The following KIF5C variants were observed in gnomAD, a reference collection of about 807,000 sequenced individuals.
KIF5C encodes kinesin heavy chain isoform 5C.
Under a neutral mutation model 125.2 loss-of-function variants are expected in KIF5C, and 18 were observed. The observed-to-expected ratio is 0.14, with a 90% confidence interval of 0.10 to 0.21. The LOEUF (loss-of-function observed/expected upper bound fraction) is 0.21. Among genes scored for constraint, KIF5C ranks in the 10% least tolerant of loss-of-function variants. The pLI is 1.00. For missense variants in KIF5C, 780 were observed against 1,183.8 expected (o/e 0.66, Z 5.01); for synonymous variants, 405 against 434.0 (o/e 0.93, Z 0.83).
intron 11 of KIF5C, among the ~76,000 whole-genome samples, chr2:148,964,144 G>A (rs1449031897): frequency 3.9e-5 from 6 of 152,038 alleles, no homozygotes; most frequent in South Asian, 2.1e-4. Flanking sequence ...GTGTGGTGGC[G>A]CATGCCTGTA....
At chr2:148,987,685 G>A (rs537102624) in intron 15 of KIF5C, among the ~76,000 whole-genome samples, 8 of 152,002 alleles carry the variant, frequency 5.3e-5, no homozygotes, top group African/African-American at 1.7e-4. Context: ...TCATTCGGGG[G>A]GTTAGGATTT....
intron 7 of KIF5C, among the ~76,000 whole-genome samples, chr2:148,944,147 TTTTC>T (rs1463682202): frequency 2.0e-5 from 3 of 152,208 alleles, no homozygotes; most frequent in African/African-American, 7.2e-5. Flanking sequence ...CTGGTAAGGT[TTTTC>T]TTTATTATTG....
intron 1 of KIF5C, among the ~76,000 whole-genome samples, chr2:148,914,275 A>G (rs1681457773): frequency 6.6e-6 from 1 of 152,216 alleles, no homozygotes; most frequent in Non-Finnish European, 1.5e-5. Context: ...GAGAGAAAGG[A>G]GTTCACTGTA....
chr2:148,911,630 A>G (rs1007225328), intron 1 of KIF5C, among the ~76,000 whole-genome samples: 1 of 152,172 alleles, frequency 6.6e-6, no homozygotes, highest in African/African-American at 2.4e-5. Flanking sequence ...AGGGAGGACA[A>G]AGAAAAAACT....
rs60712652 is a variant in KIF5C, at chr2:148,981,765, CTG to C, written c.1569+206_1569+207del. 0.012 allele frequency among the ~76,000 whole-genome samples: 1,820 copies of C among 152,274 alleles called. 34 individuals are homozygous for C. The highest frequency in any genetic ancestry group is 0.041 in the African/African-American group (1,698 of 41,546). ...CTCTTCCTGGAACTGCATATCATGA[CTG>C]TTTTATATCCAGAGAATTAATAACA... is the stretch of plus-strand genomic sequence containing the variant. On this transcript the variant is annotated intron_variant, in intron 14 of 25. Coordinates refer to ENST00000435030, the MANE Select transcript of KIF5C (RefSeq NM_004522.3).
chr2:148,882,869 G>GA (rs1396303945), intron 1 of KIF5C, among the ~76,000 whole-genome samples: 3 of 152,168 alleles, frequency 2.0e-5, no homozygotes, highest in Non-Finnish European at 4.4e-5. Flanking sequence ...CAATTAGGCT[G>GA]AAAACCTTGA....
At chr2:149,002,547 A>G (rs1277877846) in intron 21 of KIF5C, among the ~76,000 whole-genome samples, 1 of 152,186 alleles carries the variant, frequency 6.6e-6, no homozygotes, top group East Asian at 1.9e-4. Context: ...ACTTGCATGC[A>G]CACTAATGAT....
At chr2:148,962,844 G>T (rs185633865) in intron 11 of KIF5C, among the ~76,000 whole-genome samples, 1 of 152,274 alleles carries the variant, frequency 6.6e-6, no homozygotes, top group East Asian at 1.9e-4. Context: ...TTTTATTACT[G>T]GTTTGGGGTT....
chr2:148,943,113 C>T (rs1478214356), intron 7 of KIF5C, among the ~76,000 whole-genome samples: 1 of 151,780 alleles, frequency 6.6e-6, no homozygotes, highest in Non-Finnish European at 1.5e-5. Flanking sequence ...TGTTATTGTT[C>T]AGGTTAAAAA....
At chr2:148,942,511 A>G (rs1210149876) in intron 6 of KIF5C, among the ~76,000 whole-genome samples, 162 bp from the exon 7 acceptor site, 1 of 152,256 alleles carries the variant, frequency 6.6e-6, no homozygotes, top group African/African-American at 2.4e-5. Context: ...TCTTTAATGT[A>G]GAATTCAAGC....
At position 149,005,259 on chromosome 2, in the gene KIF5C, G is replaced by T. The variant is rs978794923; in HGVS notation, c.2374-134G>T. 1.0e-4 allele frequency: 146 copies of T among 1,391,392 alleles called. 1 individual carries two copies. The East Asian group carries it at 3.3e-3, about 31-fold the overall frequency. The allele number at this position is 1,391,392 out of a possible 1,614,324, so 86.2% of individuals were successfully genotyped here. On this transcript the variant is annotated intron_variant, in intron 21 of 25. Transcript: ENST00000435030. ...AGGGGTGGGCATGGTCAGGGTGGGG[G>T]TGTCACAGGGAAGGGGGTGCACCAG...
At chr2:148,915,168 G>T (rs536073178) in intron 1 of KIF5C, among the ~76,000 whole-genome samples, 21 of 152,286 alleles carry the variant, frequency 1.4e-4, no homozygotes, top group African/African-American at 4.8e-4. Flanking sequence ...AGTAAGAATG[G>T]TGGGAAATAC....
At position 148,971,789 on chromosome 2, in the gene KIF5C, C is replaced by T. The variant is rs560501910; in HGVS notation, c.1118-1547C>T. ...TGGTTATGCAGTGAGATAATGGAGT[C>T]ATAAGCAGCAGAACTAAACTATCAC... On this transcript the variant is annotated intron_variant, in intron 11 of 25. Transcript: ENST00000435030. Among the ~76,000 whole-genome samples the T allele has an allele frequency of 3.2e-4, 48 of 152,254 alleles. No homozygotes were observed. The South Asian group carries it at 6.0e-3, about 19-fold the overall frequency.
At chr2:148,909,314 G>T (rs115353384) in intron 1 of KIF5C, among the ~76,000 whole-genome samples, 1 of 152,162 alleles carries the variant, frequency 6.6e-6, no homozygotes. Context: ...TGCTCTTCCC[G>T]CTGCTGGCAA....
intron 11 of KIF5C, among the ~76,000 whole-genome samples, chr2:148,970,560 C>T (rs989287537): frequency 5.3e-5 from 8 of 152,232 alleles, no homozygotes; most frequent in African/African-American, 1.9e-4. Context: ...TGCCATAGCA[C>T]TGGAGATGAG....
At chr2:148,910,074 G>A (rs1332196585) in intron 1 of KIF5C, among the ~76,000 whole-genome samples, 1 of 152,160 alleles carries the variant, frequency 6.6e-6, no homozygotes, top group East Asian at 1.9e-4. Context: ...AATGTGACAT[G>A]AAAAATCCAA....
At chr2:148,961,217 A>G (rs1217842878) in intron 10 of KIF5C, among the ~76,000 whole-genome samples, 3 of 152,134 alleles carry the variant, frequency 2.0e-5, no homozygotes, top group African/African-American at 4.8e-5. Context: ...AAGAAAAAAC[A>G]GTTTCTGATT....
At chr2:148,979,479 G>A (rs1004690871) in intron 13 of KIF5C, among the ~76,000 whole-genome samples, 2 of 152,084 alleles carry the variant, frequency 1.3e-5, no homozygotes, top group East Asian at 3.9e-4. Flanking sequence ...TCTCTATGTT[G>A]GTCAGGGTGA....
At chr2:149,017,937 T>A (rs1001461776) in intron 25 of KIF5C, among the ~76,000 whole-genome samples, 1 of 152,140 alleles carries the variant, frequency 6.6e-6, no homozygotes, top group Non-Finnish European at 1.5e-5. Context: ...AATAAAGAGC[T>A]AGGTGCAATG....
Sources: allele counts gnomAD v4.1 joint callset (sites outside exome capture counted in the v4.1 genomes callset), GRCh38; gene constraint gnomAD v4.1.1; transcripts MANE v1.5; gene names NCBI Gene and HGNC (gene_info 2026-07-23, HGNC 2026-07-21).